Variants in CSMD1 observed in about 807,000 individuals in gnomAD.
CSMD1 encodes the protein CUB and Sushi multiple domains 1.
In CSMD1, 213 loss-of-function variants were observed where a neutral mutation model predicts 417.5. That is an observed-to-expected ratio of 0.51 (90% CI 0.46 to 0.57). The LOEUF is 0.57. CSMD1 is among the 20% of genes least tolerant of loss of function. The probability of loss-of-function intolerance (pLI) is 0.00; values close to 1 mark genes in which losing one functional copy is unlikely to be tolerated. For missense variants in CSMD1, 6,923 were observed against 4,529.7 expected (o/e 1.53, Z -15.17); for synonymous variants, 2,862 against 1,736.8 (o/e 1.65, Z -16.11).
intron 52 of CSMD1, among the ~76,000 whole-genome samples, chr8:3,016,652 C>A (rs78676920): frequency 6.6e-6 from 1 of 152,068 alleles, no homozygotes; most frequent in Non-Finnish European, 1.5e-5. Flanking sequence ...TATTTTTTCC[C>A]TTTAAATACT....
At chr8:3,820,847 G>C (rs1017666122) in intron 5 of CSMD1, among the ~76,000 whole-genome samples, 3 of 151,846 alleles carry the variant, frequency 2.0e-5, no homozygotes, top group Admixed American at 6.6e-5. Flanking sequence ...ACCTCCCAAA[G>C]TGCTGGGATT....
At chr8:3,991,941 TAACA>T (rs1814781606) in intron 5 of CSMD1, among the ~76,000 whole-genome samples, 1 of 152,064 alleles carries the variant, frequency 6.6e-6, no homozygotes, top group African/African-American at 2.4e-5. Flanking sequence ...TCTTGTTATA[TAACA>T]AACACTCGGT....
At chr8:3,484,790 G>C (rs924860685) in intron 11 of CSMD1, among the ~76,000 whole-genome samples, 1 of 152,236 alleles carries the variant, frequency 6.6e-6, no homozygotes, top group African/African-American at 2.4e-5. Flanking sequence ...TTTTGCCAAA[G>C]AGGATGTCAG....
At chr8:3,880,094 G>A (rs745670734) in intron 5 of CSMD1, among the ~76,000 whole-genome samples, 2 of 151,744 alleles carry the variant, frequency 1.3e-5, no homozygotes, top group Non-Finnish European at 2.9e-5. Context: ...CCTAACAAAC[G>A]TATTACTAAA....
chr8:3,359,538 G>A (rs182588903), intron 20 of CSMD1, among the ~76,000 whole-genome samples, 198 bp from the exon 21 acceptor site: 6 of 144,890 alleles, frequency 4.1e-5, no homozygotes, highest in Non-Finnish European at 7.6e-5. Context: ...ATGGGATTTA[G>A]TATTTTTTTT....
intron 1 of CSMD1, among the ~76,000 whole-genome samples, chr8:4,717,794 G>T (rs1808782030): frequency 6.6e-6 from 1 of 152,154 alleles, no homozygotes; most frequent in South Asian, 2.1e-4. Context: ...TACAAAGGTA[G>T]ACTATCTGAC....
intron 1 of CSMD1, among the ~76,000 whole-genome samples, chr8:4,817,489 A>G (rs1370319595): frequency 6.6e-6 from 1 of 152,256 alleles, no homozygotes; most frequent in East Asian, 1.9e-4. Context: ...GGGCACGTCC[A>G]ATGATCCAGT....
rs747421584 is a variant in CSMD1 at position 3,359,246 on chromosome 8, G to A, written c.3210C>T (p.Ser1070=). ...HFGVGDSLTF[S]CFLGYRLEGA... is the part of the protein sequence containing the mutation. Reference sequence around the variant, plus strand: ...CTTCTAAACGATATCCCAGGAAGCAGGAAAACGTCAGAGAGTCTCCCACAC... The same window carrying A: ...CTTCTAAACGATATCCCAGGAAGCAAGAAAACGTCAGAGAGTCTCCCACAC... The change falls in exon 21 of 70, where the codon TCC becomes TCT. Residue 1070 remains serine, a synonymous_variant. Transcript: ENST00000635120. 6.2e-7 allele frequency: 1 copy of A among 1,613,878 alleles called. No homozygotes were observed. Among genetic ancestry groups the A allele is most frequent in the Non-Finnish European group, 8.5e-7 (1 of 1,179,862 alleles).
intron 1 of CSMD1, among the ~76,000 whole-genome samples, chr8:4,804,527 G>T (rs192236481): frequency 6.6e-6 from 1 of 151,082 alleles, no homozygotes; most frequent in African/African-American, 2.4e-5. Context: ...AAGAATGGAC[G>T]TGAGAGAGAG....
intron 5 of CSMD1, among the ~76,000 whole-genome samples, chr8:3,935,421 T>A (rs1051600226): frequency 2.6e-5 from 4 of 152,154 alleles, no homozygotes; most frequent in African/African-American, 4.8e-5. Context: ...AATAACTGGG[T>A]TTTTGAAAAA....
intron 2 of CSMD1, among the ~76,000 whole-genome samples, chr8:4,628,558 A>C (rs1802300382): frequency 1.3e-5 from 2 of 151,752 alleles, no homozygotes; most frequent in African/African-American, 4.8e-5. Context: ...ACACAGATGT[A>C]ATTCAGTGTA....
At chr8:4,749,566 T>C (rs898756939) in intron 1 of CSMD1, among the ~76,000 whole-genome samples, 13 of 152,244 alleles carry the variant, frequency 8.5e-5, no homozygotes, top group Non-Finnish European at 1.6e-4. Flanking sequence ...TGCTTGTTTA[T>C]TCAGGAAAAT....
intron 3 of CSMD1, among the ~76,000 whole-genome samples, chr8:4,061,662 T>C (rs779008467): frequency 2.6e-5 from 4 of 152,182 alleles, no homozygotes; most frequent in Non-Finnish European, 4.4e-5. Context: ...GGAAAGACTG[T>C]TTCGTGATGG....
chr8:4,056,588 G>C (rs959369673), intron 3 of CSMD1, among the ~76,000 whole-genome samples: 27 of 151,824 alleles, frequency 1.8e-4, no homozygotes, highest in East Asian at 1.9e-4. Flanking sequence ...ACAATGTGCA[G>C]GTAAGTTACC....
intron 1 of CSMD1, among the ~76,000 whole-genome samples, chr8:4,951,640 T>G (rs1808757300): frequency 6.6e-6 from 1 of 151,578 alleles, no homozygotes; most frequent in African/African-American, 2.4e-5. Context: ...CTTCTGGGAC[T>G]GTGAAATGTT....
intron 7 of CSMD1, among the ~76,000 whole-genome samples, chr8:3,690,927 T>C (rs1484095029): frequency 6.6e-6 from 1 of 152,170 alleles, no homozygotes; most frequent in Non-Finnish European, 1.5e-5. Context: ...AATAATTAAA[T>C]AAATTAAAGT....
intron 10 of CSMD1, among the ~76,000 whole-genome samples, chr8:3,565,191 TAGATAGAC>T (rs1799650164): frequency 2.2e-5 from 1 of 45,994 alleles, no homozygotes; most frequent in African/African-American, 7.0e-5. Context: ...GAAAGATACA[TAGATAGAC>T]AGATAGATAG....
intron 3 of CSMD1, among the ~76,000 whole-genome samples, chr8:4,217,869 G>C (rs1287898216): frequency 6.6e-6 from 1 of 152,120 alleles, no homozygotes; most frequent in African/African-American, 2.4e-5. Context: ...AGCCAGAAAG[G>C]AAACATAAGA....
chr8:4,826,010 A>T (rs2117411704), intron 1 of CSMD1, among the ~76,000 whole-genome samples: 1 of 152,182 alleles, frequency 6.6e-6, no homozygotes, highest in East Asian at 1.9e-4. Flanking sequence ...GATGTGGAGA[A>T]ATTAGAACCC....
Sources: allele counts gnomAD v4.1 joint callset (sites outside exome capture counted in the v4.1 genomes callset), GRCh38; gene constraint gnomAD v4.1.1; transcripts MANE v1.5; gene names NCBI Gene and HGNC (gene_info 2026-07-23, HGNC 2026-07-21).